ARHGAP10: variants seen among roughly 807,000 people sequenced by gnomAD.
ARHGAP10 encodes the protein Rho GTPase activating protein 10.
ARHGAP10 carries 87 observed loss-of-function variants against 108.6 expected under a neutral mutation model. The observed-to-expected ratio is 0.80, with a 90% CI of 0.67 to 0.96. The LOEUF is 0.96. ARHGAP10 is among the 40% of genes least tolerant of loss of function. ARHGAP10 has a pLI of 0.00. For missense variants in ARHGAP10, 939 were observed against 954.5 expected, an observed-to-expected ratio of 0.98 and a Z score of 0.21; for synonymous variants, 347 against 341.1, an observed-to-expected ratio of 1.02 and a Z score of -0.19.
intron 1 of ARHGAP10, among the ~76,000 whole-genome samples, chr4:147,775,100 A>T (rs920241494): frequency 4.6e-5 from 7 of 152,010 alleles, no homozygotes; most frequent in African/African-American, 1.4e-4. Context: ...TTTTTAGTAG[A>T]GACGGGGTTT....
At chr4:147,966,626 C>A in intron 17 of ARHGAP10, 54 bp from the exon 18 acceptor site, 4 of 1,456,896 alleles carry the variant, frequency 2.7e-6, no homozygotes, top group South Asian at 1.5e-5. Context: ...TATTTACAGT[C>A]CACAATTTTT....
chr4:148,068,778 C>T (rs1398754542), intron 22 of ARHGAP10, among the ~76,000 whole-genome samples: 2 of 152,096 alleles, frequency 1.3e-5, no homozygotes, highest in Non-Finnish European at 1.5e-5. Context: ...TGGCACTCAC[C>T]GTGTGATGAT....
At chr4:147,904,308 T>C (rs1268435802) in intron 10 of ARHGAP10, among the ~76,000 whole-genome samples, 2 of 152,126 alleles carry the variant, frequency 1.3e-5, no homozygotes, top group African/African-American at 4.8e-5. Flanking sequence ...TGTATACACG[T>C]GCCATGCTGG....
intron 3 of ARHGAP10, 52 bp from the exon 4 acceptor site, chr4:147,847,099 C>G: frequency 6.8e-7 from 1 of 1,466,246 alleles, no homozygotes. Flanking sequence ...CTAATTTTTT[C>G]CTTTTTGGAA....
intron 14 of ARHGAP10, among the ~76,000 whole-genome samples, chr4:147,941,037 G>A (rs910643800): frequency 6.6e-6 from 1 of 152,140 alleles, no homozygotes; most frequent in African/African-American, 2.4e-5. Flanking sequence ...ATAGACTCAG[G>A]TTGCCAGTGG....
At chr4:147,966,068 G>A (rs1261215980) in intron 17 of ARHGAP10, among the ~76,000 whole-genome samples, 2 of 152,236 alleles carry the variant, frequency 1.3e-5, no homozygotes, top group African/African-American at 4.8e-5. Context: ...ATACTGGGCT[G>A]AAAGAGTGAT....
At chr4:147,819,829 G>A (rs1294829877) in intron 1 of ARHGAP10, among the ~76,000 whole-genome samples, 1 of 152,118 alleles carries the variant, frequency 6.6e-6, no homozygotes, top group East Asian at 1.9e-4. Flanking sequence ...AGAGTGCTGG[G>A]ATTATAGGCC....
chr4:147,762,751 C>G (rs563153987), intron 1 of ARHGAP10, among the ~76,000 whole-genome samples: 43 of 151,666 alleles, frequency 2.8e-4, no homozygotes, highest in African/African-American at 1.0e-3. Flanking sequence ...AGGCTGGTCT[C>G]GATCTCCTGA....
chr4:147,796,707 A>C (rs1008083689), intron 1 of ARHGAP10, among the ~76,000 whole-genome samples: 2 of 151,952 alleles, frequency 1.3e-5, no homozygotes, highest in Non-Finnish European at 2.9e-5. Context: ...TTGTATTTTT[A>C]GTAGAGACGG....
At chr4:147,979,860 T>C (rs1394327962) in intron 18 of ARHGAP10, among the ~76,000 whole-genome samples, 2 of 152,196 alleles carry the variant, frequency 1.3e-5, no homozygotes, top group Non-Finnish European at 2.9e-5. Context: ...TAAAGAAATG[T>C]TGATTTTTAT....
intron 18 of ARHGAP10, among the ~76,000 whole-genome samples, chr4:148,016,155 ATCT>A (rs1168384638): frequency 6.6e-6 from 1 of 152,208 alleles, no homozygotes; most frequent in African/African-American, 2.4e-5. Context: ...TACAAACATA[ATCT>A]TCTATCATAA....
At chr4:148,060,008 G>A (rs1729539118) in intron 20 of ARHGAP10, among the ~76,000 whole-genome samples, 1 of 110,264 alleles carries the variant, frequency 9.1e-6, no homozygotes. Context: ...AGAGAGAGGA[G>A]AGAGAGAGGG....
At chr4:148,007,122 G>C (rs1004701481) in intron 18 of ARHGAP10, among the ~76,000 whole-genome samples, 1 of 152,162 alleles carries the variant, frequency 6.6e-6, no homozygotes, top group Non-Finnish European at 1.5e-5. Context: ...AGAAGAAAAG[G>C]GTTACTGTTT....
At chr4:147,796,640 C>T (rs1254692559) in intron 1 of ARHGAP10, among the ~76,000 whole-genome samples, 1 of 152,172 alleles carries the variant, frequency 6.6e-6, no homozygotes, top group East Asian at 1.9e-4. Flanking sequence ...ATTCTCCTGC[C>T]TCAGCCTCCC....
intron 1 of ARHGAP10, among the ~76,000 whole-genome samples, chr4:147,753,829 T>C (rs967712935): frequency 4.6e-5 from 7 of 152,214 alleles, no homozygotes; most frequent in African/African-American, 1.7e-4. Flanking sequence ...GAGAGAGTAT[T>C]GAGGCTGCAC....
chr4:148,036,378 A>G (rs1301491872), intron 19 of ARHGAP10, among the ~76,000 whole-genome samples: 1 of 152,162 alleles, frequency 6.6e-6, no homozygotes, highest in Non-Finnish European at 1.5e-5. Context: ...TCTCATCTTG[A>G]ATTGTAGTTC....
chr4:147,796,311 AAC>A (rs986729354), intron 1 of ARHGAP10, among the ~76,000 whole-genome samples: 5 of 152,160 alleles, frequency 3.3e-5, no homozygotes, highest in African/African-American at 7.2e-5. Context: ...GGGAGAGACA[AAC>A]ACACGTGTAC....
intron 3 of ARHGAP10, among the ~76,000 whole-genome samples, chr4:147,844,074 G>A (rs1272703251): frequency 2.0e-5 from 3 of 152,134 alleles, no homozygotes; most frequent in African/African-American, 4.8e-5. Context: ...GATCTTGGGC[G>A]TTTCTCAGCA....
intron 13 of ARHGAP10, among the ~76,000 whole-genome samples, chr4:147,927,666 C>T (rs1398443634): frequency 1.3e-5 from 2 of 152,164 alleles, no homozygotes; most frequent in Non-Finnish European, 2.9e-5. Context: ...TCTCCCGACT[C>T]TAAGCCAGAC....
Sources: gnomAD v4.1 joint callset for allele counts (sites outside exome capture counted in the v4.1 genomes callset) on GRCh38, gnomAD v4.1.1 for gene constraint, MANE v1.5 for transcripts, NCBI Gene and HGNC (gene_info 2026-07-23, HGNC 2026-07-21) for gene names.